Variants in L3MBTL3 observed in about 807,000 individuals in gnomAD.
The protein encoded by L3MBTL3 is L3MBTL histone methyl-lysine binding protein 3.
In L3MBTL3, 27 loss-of-function variants were observed where a neutral mutation model predicts 102.3. The ratio of observed to expected loss-of-function variants is 0.26; its 90% CI spans 0.19 to 0.36. The LOEUF is 0.36. Ranked by LOEUF, L3MBTL3 falls within the 10% of genes least tolerant of loss-of-function variation. The probability of loss-of-function intolerance (pLI) is 1.00; values close to 1 mark genes in which losing one functional copy is unlikely to be tolerated. For synonymous variants in L3MBTL3, 340 were observed against 320.9 expected, an observed-to-expected ratio of 1.06 and a Z score of -0.64; for missense variants, 798 against 955.3, an observed-to-expected ratio of 0.84 and a Z score of 2.17.
chr6:130,064,755 G>A (rs1035457671), intron 10 of L3MBTL3, among the ~76,000 whole-genome samples: 5 of 152,154 alleles, frequency 3.3e-5, no homozygotes, highest in African/African-American at 1.2e-4. Context: ...AGGTATGACT[G>A]TGGGCAAGGA....
At chr6:130,045,163 A>C (rs1422648762) in intron 3 of L3MBTL3, among the ~76,000 whole-genome samples, 1 of 152,138 alleles carries the variant, frequency 6.6e-6, no homozygotes, top group Non-Finnish European at 1.5e-5. Flanking sequence ...CTTTTTGGTG[A>C]AGTTCAAGCC....
intron 2 of L3MBTL3, among the ~76,000 whole-genome samples, chr6:130,035,482 C>T (rs965683432): frequency 1.3e-5 from 2 of 152,298 alleles, no homozygotes; most frequent in Admixed American, 6.5e-5. Flanking sequence ...TTAGTCTGTT[C>T]TCCAGCCCTT....
Position 130,066,450 on chromosome 6 carries a change from G to C in L3MBTL3, c.962G>C (p.Trp321Ser), listed in dbSNP as rs781043533. ...GCTCTGGATATCCACCCAGTTGGGT[G>C]GTGTGAGAAAACCGGCCACAAACTC... is the stretch of plus-strand genomic sequence containing the variant. ...ADALDIHPVG[W>S]CEKTGHKLHP... The change falls in exon 11 of 23, where the codon TGG becomes TCG. Residue 321 changes from tryptophan (W) to serine (S), a missense_variant. Coordinates refer to ENST00000361794, the MANE Select transcript of L3MBTL3 (RefSeq NM_032438.4). 1 of 1,610,986 alleles carries C rather than the reference G, an allele frequency of 6.2e-7. No individual in the cohort carries two copies. Among genetic ancestry groups the C allele is most frequent in the Non-Finnish European group, 8.5e-7 (1 of 1,178,778 alleles).
intron 7 of L3MBTL3, among the ~76,000 whole-genome samples, chr6:130,053,613 C>T (rs534902526): frequency 1.5e-4 from 21 of 141,222 alleles, no homozygotes; most frequent in Admixed American, 4.7e-4. Flanking sequence ...CCAGCCTGGG[C>T]GACAGAGCGA....
At chr6:130,044,238 G>A (rs945577483) in intron 3 of L3MBTL3, among the ~76,000 whole-genome samples, 2 of 152,076 alleles carry the variant, frequency 1.3e-5, no homozygotes, top group African/African-American at 4.8e-5. Context: ...TAGAATCTAT[G>A]TGATAAGGTG....
At chr6:130,035,562 T>G (rs549644678) in intron 2 of L3MBTL3, among the ~76,000 whole-genome samples, 1 of 152,284 alleles carries the variant, frequency 6.6e-6, no homozygotes, top group Admixed American at 6.5e-5. Flanking sequence ...ACTTTCAGAG[T>G]GCAATACTTT....
chr6:130,090,728 C>A (rs958367602), intron 16 of L3MBTL3, among the ~76,000 whole-genome samples: 6 of 151,974 alleles, frequency 3.9e-5, no homozygotes, highest in Non-Finnish European at 7.4e-5. Flanking sequence ...AACTGAGTAG[C>A]TGGGACTACA....
At chr6:130,038,209 C>G (rs554569072) in intron 2 of L3MBTL3, among the ~76,000 whole-genome samples, 1 of 152,068 alleles carries the variant, frequency 6.6e-6, no homozygotes, top group Non-Finnish European at 1.5e-5. Context: ...TCTTGGCTCT[C>G]AAGAATAGTG....
At chr6:130,023,733 A>C (rs888680879) in intron 2 of L3MBTL3, among the ~76,000 whole-genome samples, 1 of 152,204 alleles carries the variant, frequency 6.6e-6, no homozygotes, top group Admixed American at 6.5e-5. Flanking sequence ...ATATCATTTT[A>C]CCTTCGTCCA....
At chr6:130,109,105 A>G (rs912611926) in intron 19 of L3MBTL3, among the ~76,000 whole-genome samples, 1 of 152,100 alleles carries the variant, frequency 6.6e-6, no homozygotes, top group African/African-American at 2.4e-5. Flanking sequence ...CCAGTCTATG[A>G]TTGATGGGCA....
intron 2 of L3MBTL3, among the ~76,000 whole-genome samples, chr6:130,042,152 T>A (rs1780462209): frequency 6.6e-6 from 1 of 152,178 alleles, no homozygotes. Flanking sequence ...TGTTTTCCAA[T>A]TTTTTTAAAA....
chr6:130,109,923 C>T (rs1227635780), intron 19 of L3MBTL3, among the ~76,000 whole-genome samples: 1 of 152,164 alleles, frequency 6.6e-6, no homozygotes, highest in Non-Finnish European at 1.5e-5. Flanking sequence ...TATGGCTAGC[C>T]AGTTTTCCCA....
intron 19 of L3MBTL3, among the ~76,000 whole-genome samples, chr6:130,110,395 G>A (rs1785275652): frequency 6.6e-6 from 1 of 152,144 alleles, no homozygotes; most frequent in Non-Finnish European, 1.5e-5. Context: ...AGTTCGCCTT[G>A]AAGAGGTCCT....
Position 130,070,989 on chromosome 6 carries a change from C to T in L3MBTL3, c.1106C>T (p.Ser369Leu), listed in dbSNP as rs374581461. 1.2e-5 allele frequency: 19 copies of T among 1,612,714 alleles called. No homozygotes were observed. In the East Asian group the frequency reaches 1.8e-4, roughly 15 times the overall value. ...GTGTTTCCATAGACAGTGATCCCAT[C>T]GGGCTTTCGAGTTGGTATGAAGCTT... ...FENQNITVIP[S>L]GFRVGMKLEA... Residue 369 changes from serine (S) to leucine (L), a missense_variant, in exon 13 of 23, where the codon TCG becomes TTG. Physicochemically the swap from Ser to Leu is moderately radical, Grantham distance 145. Coordinates refer to ENST00000361794, the MANE Select transcript of L3MBTL3 (RefSeq NM_032438.4).
chr6:130,111,275 G>A (rs9402216), intron 19 of L3MBTL3, among the ~76,000 whole-genome samples: 66,173 of 152,062 alleles, frequency 0.44, 16,636 homozygotes, highest in East Asian at 0.75. Flanking sequence ...GGAATTTCTT[G>A]TAAATTGCAT....
intron 14 of L3MBTL3, among the ~76,000 whole-genome samples, chr6:130,083,329 A>G (rs1026352670): frequency 1.3e-5 from 2 of 152,064 alleles, no homozygotes; most frequent in African/African-American, 2.4e-5. Context: ...AGATTCTCCA[A>G]TACAAAATTG....
At chr6:130,068,284 A>G in intron 11 of L3MBTL3, 46 bp from the exon 12 acceptor site, 1 of 1,026,138 alleles carries the variant, frequency 9.7e-7, no homozygotes, top group Non-Finnish European at 1.5e-6. Flanking sequence ...CTAAGTGTAA[A>G]ATATTGTGGT....
intron 2 of L3MBTL3, among the ~76,000 whole-genome samples, chr6:130,038,353 C>G (rs189467484): frequency 1.3e-5 from 2 of 151,756 alleles, no homozygotes; most frequent in Non-Finnish European, 2.9e-5. Context: ...ATACTGTTTT[C>G]TATAATGGCC....
intron 16 of L3MBTL3, 26 bp downstream of exon 16, chr6:130,086,276 C>A (rs1422310682): frequency 6.9e-7 from 1 of 1,458,686 alleles, no homozygotes. Context: ...GGGGGGTTGG[C>A]TTTGTCTTTT....
Sources: allele counts gnomAD v4.1 joint callset (sites outside exome capture counted in the v4.1 genomes callset), GRCh38; gene constraint gnomAD v4.1.1; transcripts MANE v1.5; gene names NCBI Gene and HGNC (gene_info 2026-07-23, HGNC 2026-07-21).